FAT2: variants seen among roughly 807,000 people sequenced by gnomAD.
FAT2 encodes protocadherin Fat 2.
FAT2 carries 150 observed loss-of-function variants against 295.3 expected under a neutral mutation model. That is an observed-to-expected ratio of 0.51 (90% CI 0.44 to 0.58). The LOEUF is 0.58. Among genes scored for constraint, FAT2 ranks in the 20% least tolerant of loss-of-function variants. The pLI is 0.00. For synonymous variants in FAT2, 2,026 were observed against 2,150.3 expected, an observed-to-expected ratio of 0.94 and a Z score of 1.60; for missense variants, 4,868 against 5,442.7, an observed-to-expected ratio of 0.89 and a Z score of 3.32.
chr5:151,553,124 G>T, intron 6 of FAT2, 53 bp downstream of exon 6: 1 of 1,545,566 alleles, frequency 6.5e-7, no homozygotes, highest in East Asian at 2.3e-5. Flanking sequence ...ACTAGAGCTG[G>T]TGTATAAGGA....
chr5:151,555,333 G>T (rs1581429524), intron 4 of FAT2, among the ~76,000 whole-genome samples: 2 of 151,676 alleles, frequency 1.3e-5, no homozygotes, highest in Admixed American at 6.6e-5. Context: ...AATTCTAGAA[G>T]GCCATTTAGC....
intron 13 of FAT2, 34 bp from the exon 14 acceptor site, chr5:151,532,004 A>C: frequency 6.2e-7 from 1 of 1,608,340 alleles, no homozygotes; most frequent in South Asian, 1.1e-5. Flanking sequence ...ATCCACACTG[A>C]GGGCGCCTCC....
chr5:151,523,459 G>A (rs1163730569), intron 18 of FAT2, among the ~76,000 whole-genome samples: 2 of 152,168 alleles, frequency 1.3e-5, no homozygotes, highest in Non-Finnish European at 2.9e-5. Context: ...CTTGCCCAAG[G>A]TCATACAGCA....
At position 151,545,272 on chromosome 5, in the gene FAT2, G is replaced by A. The variant is rs753281720; in HGVS notation, c.5855C>T (p.Ala1952Val). Residue 1952 changes from alanine to valine, a missense_variant, in exon 10 of 24, where the codon GCG becomes GTG. Around this residue, in one of 5 missense-constraint regions of FAT2, gnomAD observed 3,297 missense variants for 3,669.4 expected, o/e 0.90. Transcript: ENST00000261800. ...TTGGGTCAAAGAAATTTTTACCAGC[G>A]CAGTGTCTTGATACAAGCCATCAGA... The part of the protein sequence containing the change: ...RASDGLYQDT[A>V]LVKISLTQVL... 3.2e-5 allele frequency: 52 copies of A among 1,613,956 alleles called. No homozygotes were observed. Among genetic ancestry groups the A allele is most frequent in the African/African-American group, 2.1e-4 (16 of 74,872 alleles).
intron 8 of FAT2, 66 bp from the exon 9 acceptor site, chr5:151,549,571 A>G: frequency 7.2e-7 from 1 of 1,397,434 alleles, no homozygotes. Flanking sequence ...GGTTAGGGTA[A>G]GGTTAATGAA....
chr5:151,522,452 A>C (rs1753570961), intron 18 of FAT2, among the ~76,000 whole-genome samples: 1 of 152,130 alleles, frequency 6.6e-6, no homozygotes, highest in Non-Finnish European at 1.5e-5. Context: ...GCGCCCTCAG[A>C]TGTCTCAGCA....
intron 3 of FAT2, among the ~76,000 whole-genome samples, chr5:151,562,488 A>C (rs182455146): frequency 5.9e-5 from 9 of 152,280 alleles, no homozygotes; most frequent in African/African-American, 2.2e-4. Flanking sequence ...TGAGGGACGC[A>C]GGCTGGGAGT....
chr5:151,593,167 G>C (rs1483628834), upstream of FAT2, among the ~76,000 whole-genome samples: 2 of 152,236 alleles, frequency 1.3e-5, no homozygotes, highest in Non-Finnish European at 2.9e-5. Context: ...AGGCTAACCT[G>C]AGCAATTATC....
At chr5:151,575,089 C>T (rs1758695504) in intron 1 of FAT2, among the ~76,000 whole-genome samples, 1 of 152,332 alleles carries the variant, frequency 6.6e-6, no homozygotes, top group Non-Finnish European at 1.5e-5. Context: ...TCTGAAGTGT[C>T]AGCTGGCAGA....
At chr5:151,581,110 C>T (rs1758939577) in intron 1 of FAT2, among the ~76,000 whole-genome samples, 1 of 152,314 alleles carries the variant, frequency 6.6e-6, no homozygotes, top group Admixed American at 6.5e-5. Flanking sequence ...TGGAGAGGGG[C>T]TACCTGTGTT....
At chr5:151,560,710 G>C (rs1258487465) in intron 3 of FAT2, among the ~76,000 whole-genome samples, 2 of 152,206 alleles carry the variant, frequency 1.3e-5, no homozygotes, top group Non-Finnish European at 2.9e-5. Flanking sequence ...CTAATGGACT[G>C]AATTTCTCAA....
chr5:151,574,036 G>T (rs1758646705), intron 1 of FAT2, among the ~76,000 whole-genome samples: 2 of 152,092 alleles, frequency 1.3e-5, no homozygotes, highest in South Asian at 4.2e-4. Flanking sequence ...TGGTTCTTTG[G>T]CCTGTGCATG....
chr5:151,549,658 C>T (rs562624042), intron 8 of FAT2, among the ~76,000 whole-genome samples, 153 bp from the exon 9 acceptor site: 5 of 152,148 alleles, frequency 3.3e-5, no homozygotes, highest in Non-Finnish European at 7.3e-5. Flanking sequence ...AATCTATATG[C>T]TCTTTTTCTT....
Position 151,538,874 on chromosome 5 carries a change from C to T in FAT2, c.9040-928G>A, listed in dbSNP as rs563129784. Reference sequence around the variant, plus strand: ...TTTTTTTTTGTATTTTTAGTAGAGACGGGGTTTCACCATGTTGGCCAGGCT... The same window carrying T: ...TTTTTTTTTGTATTTTTAGTAGAGATGGGGTTTCACCATGTTGGCCAGGCT... On this transcript the variant is annotated intron_variant, in intron 11 of 23. Coordinates refer to ENST00000261800, the MANE Select transcript of FAT2 (RefSeq NM_001447.3). Among the ~76,000 whole-genome samples the T allele has an allele frequency of 9.5e-4, 144 of 150,832 alleles. 1 individual carries two copies. Among genetic ancestry groups the T allele is most frequent in the African/African-American group, 3.3e-3 (136 of 40,958 alleles).
chr5:151,577,479 A>G (rs1255946566), intron 1 of FAT2, among the ~76,000 whole-genome samples: 1 of 152,246 alleles, frequency 6.6e-6, no homozygotes. Context: ...GAGACAATAA[A>G]CAAGAAAATA....
chr5:151,542,793 C>G lies in FAT2; in HGVS notation c.8334G>C (p.Val2778=), dbSNP rs1756280269. Residue 2778 remains valine, a synonymous_variant, in exon 10 of 24, where the codon GTG becomes GTC. Coordinates refer to ENST00000261800, the MANE Select transcript of FAT2 (RefSeq NM_001447.3). Reference sequence around the variant, plus strand: ...CTTGGATGTTGACAGAGACCAAGGACACCACATCAGTGTTCTGAAGGCAAT... The same window carrying G: ...CTTGGATGTTGACAGAGACCAAGGAGACCACATCAGTGTTCTGAAGGCAAT... The part of the protein sequence containing the change: ...MAHCLQNTDV[V]SLVSVNIQVG... 1 of 1,614,208 alleles carries G rather than the reference C, an allele frequency of 6.2e-7. No individual in the cohort carries two copies. The highest frequency in any genetic ancestry group is 2.2e-5 in the East Asian group (1 of 44,874).
In FAT2 at chr5:151,507,225, G is replaced by A. The variant is rs748304520; in HGVS notation, c.12446C>T (p.Pro4149Leu). Reference sequence around the variant, plus strand: ...AGAGTGGGAAGGGACCGCAGCTGGCGGGAGTCTGGGGGGCACACTGCAGAC... The same window carrying A: ...AGAGTGGGAAGGGACCGCAGCTGGCAGGAGTCTGGGGGGCACACTGCAGAC... ...PVVCSVPPRLPPAAVPSHSDN... is the reference protein window; with the variant it reads ...PVVCSVPPRLLPAAVPSHSDN... The change falls in exon 23 of 24, where the codon CCG (proline) becomes CTG (leucine). Residue 4149 changes from proline (P) to leucine (L), a missense_variant. Pro to Leu is a moderately conservative substitution (Grantham distance 98). Coordinates refer to ENST00000261800, the MANE Select transcript of FAT2 (RefSeq NM_001447.3). 2 of 1,613,472 alleles carry A rather than the reference G, an allele frequency of 1.2e-6. No homozygotes were observed. The highest frequency in any genetic ancestry group is 1.7e-6 in the Non-Finnish European group (2 of 1,179,486).
At chr5:151,587,733 A>T (rs1016154710) in intron 1 of FAT2, among the ~76,000 whole-genome samples, 35 of 152,204 alleles carry the variant, frequency 2.3e-4, no homozygotes, top group African/African-American at 7.5e-4. Context: ...ATAACTGCTC[A>T]TTAAGTGTCT....
intron 1 of FAT2, among the ~76,000 whole-genome samples, chr5:151,570,676 G>A (rs376413083): frequency 2.0e-5 from 3 of 152,220 alleles, no homozygotes; most frequent in Non-Finnish European, 4.4e-5. Flanking sequence ...GCCCCTGGGA[G>A]CCTTGATTCC....
Sources: gnomAD v4.1 joint callset for allele counts (sites outside exome capture counted in the v4.1 genomes callset) on GRCh38, gnomAD v4.1.1 for gene constraint, gnomAD v4.1.1 regional missense constraint, MANE v1.5 for transcripts, NCBI Gene and HGNC (gene_info 2026-07-23, HGNC 2026-07-21) for gene names.